CNTLN: variants seen among roughly 807,000 people sequenced by gnomAD.
CNTLN encodes the protein centlein.
A neutral mutation model predicts 180.0 loss-of-function variants in CNTLN; 212 were observed. The ratio of observed to expected loss-of-function variants is 1.18; its 90% CI spans 1.05 to 1.32. CNTLN has a LOEUF of 1.32. CNTLN is among the 40% of genes most tolerant of loss of function. The pLI, the probability that CNTLN is intolerant of heterozygous loss-of-function variation, is 0.00. For synonymous variants in CNTLN, 722 were observed against 563.1 expected, an observed-to-expected ratio of 1.28 and a Z score of -3.99; for missense variants, 2,095 against 1,610.9, an observed-to-expected ratio of 1.30 and a Z score of -5.14.
intron 8 of CNTLN, among the ~76,000 whole-genome samples, chr9:17,314,557 C>T (rs1819418644): frequency 6.6e-6 from 1 of 152,148 alleles, no homozygotes; most frequent in Non-Finnish European, 1.5e-5. Flanking sequence ...AGTTTTGACT[C>T]TCTCTTTTCT....
At chr9:17,398,565 T>C (rs1051622132) in intron 15 of CNTLN, among the ~76,000 whole-genome samples, 1 of 152,200 alleles carries the variant, frequency 6.6e-6, no homozygotes, top group Admixed American at 6.5e-5. Context: ...ATCAGCAAGC[T>C]CGTTCTGTGC....
At chr9:17,389,407 A>G (rs990175686) in intron 14 of CNTLN, among the ~76,000 whole-genome samples, 2 of 152,130 alleles carry the variant, frequency 1.3e-5, no homozygotes, top group East Asian at 3.8e-4. Flanking sequence ...ATCTATGGAT[A>G]TGTAATACTA....
intron 12 of CNTLN, among the ~76,000 whole-genome samples, chr9:17,361,211 G>A (rs537684120): frequency 4.5e-4 from 68 of 151,458 alleles, no homozygotes; most frequent in African/African-American, 1.3e-3. Context: ...TCCCTCCCCC[G>A]TCTCCCCACC....
chr9:17,274,465 C>CTGTA (rs764538609), intron 6 of CNTLN, among the ~76,000 whole-genome samples: 1 of 141,242 alleles, frequency 7.1e-6, no homozygotes, highest in Non-Finnish European at 1.5e-5. Flanking sequence ...ATCTATCTAT[C>CTGTA]TATCTATCTA....
At chr9:17,355,737 AATAAG>A (rs1190705156) in intron 12 of CNTLN, among the ~76,000 whole-genome samples, 3 of 152,224 alleles carry the variant, frequency 2.0e-5, no homozygotes, top group East Asian at 1.9e-4. Context: ...GAGATTGATT[AATAAG>A]ATAAGAACTT....
At chr9:17,170,545 A>G (rs545333139) in intron 2 of CNTLN, among the ~76,000 whole-genome samples, 2 of 152,142 alleles carry the variant, frequency 1.3e-5, no homozygotes, top group South Asian at 2.1e-4. Context: ...ATTTCAAATT[A>G]TCTGTTTTTC....
rs181178416 is a variant in CNTLN, at chr9:17,383,706, C to T, written c.1988-4456C>T. The stretch of plus-strand genomic sequence containing the variant: ...AGGCTGGAGTGCAGTGGCGTGATCT[C>T]GGCCCACTGCAAGCTCTGCCTCCTG... On this transcript the variant is annotated intron_variant, in intron 13 of 25. Transcript: ENST00000380647. Among the ~76,000 whole-genome samples, 662 of 151,484 alleles carry T rather than the reference C, an allele frequency of 4.4e-3. 3 individuals carry two copies. Among genetic ancestry groups the T allele is most frequent in the African/African-American group, 0.014 (593 of 41,266 alleles).
chr9:17,491,123 T>C (rs1249287144), intron 25 of CNTLN, among the ~76,000 whole-genome samples: 1 of 152,124 alleles, frequency 6.6e-6, no homozygotes, highest in Non-Finnish European at 1.5e-5. Context: ...AAAGGTCATT[T>C]TTAGGCCTTT....
chr9:17,353,682 C>G (rs1822560701), intron 12 of CNTLN, among the ~76,000 whole-genome samples: 1 of 151,344 alleles, frequency 6.6e-6, no homozygotes, highest in African/African-American at 2.4e-5. Flanking sequence ...TCACTGCAAC[C>G]TCTGCCTCTT....
At position 17,203,625 on chromosome 9, in the gene CNTLN, C is replaced by T. The variant is rs186536255; in HGVS notation, c.450-22578C>T. The stretch of plus-strand genomic sequence containing the variant: ...AGGCTGGAGTGCAGTGGCGCGATCT[C>T]GGCTCACTGCAAGCTCCACCTCCCG... On this transcript the variant is annotated intron_variant, in intron 2 of 25. Transcript: ENST00000380647. 1.8e-4 allele frequency among the ~76,000 whole-genome samples: 27 copies of T among 152,228 alleles called. No individual in the cohort carries two copies. The East Asian group carries it at 4.1e-3, about 23-fold the overall frequency.
rs763656237 is a variant in CNTLN, at chr9:17,394,614, A to G, written c.2160A>G (p.Lys720=). The part of the protein sequence containing the change: ...KLKEGNKKLM[K]ENDFLKSLLK... ...AAGAAGGGAATAAAAAATTAATGAA[A>G]GAAAATGATTTTCTGAAATCCCTCT... The change falls in exon 15 of 26, where the codon AAA becomes AAG. Residue 720 remains lysine (K), a synonymous_variant. Transcript: ENST00000380647. The G allele has an allele frequency of 6.2e-7, 1 of 1,601,010 alleles. No homozygotes were observed. Among genetic ancestry groups the G allele is most frequent in the South Asian group, 1.1e-5 (1 of 86,996 alleles).
At chr9:17,434,808 A>G (rs1200987166) in intron 18 of CNTLN, among the ~76,000 whole-genome samples, 7 of 152,058 alleles carry the variant, frequency 4.6e-5, no homozygotes, top group Non-Finnish European at 8.8e-5. Context: ...TGAAGGATAT[A>G]GAATTTGCAG....
intron 13 of CNTLN, among the ~76,000 whole-genome samples, chr9:17,379,085 C>G (rs1195067664): frequency 6.6e-6 from 1 of 151,740 alleles, no homozygotes; most frequent in Non-Finnish European, 1.5e-5. Context: ...AATTACTCCA[C>G]TGTCTTCTGG....
intron 23 of CNTLN, among the ~76,000 whole-genome samples, chr9:17,470,284 A>G (rs1831984810): frequency 6.6e-6 from 1 of 151,942 alleles, no homozygotes; most frequent in Admixed American, 6.6e-5. Flanking sequence ...AGTGAGAACT[A>G]TGTGCATTCC....
intron 8 of CNTLN, among the ~76,000 whole-genome samples, chr9:17,323,697 A>T (rs763595715): frequency 2.6e-5 from 4 of 152,226 alleles, no homozygotes; most frequent in Non-Finnish European, 5.9e-5. Flanking sequence ...ATTGTAACAG[A>T]TGTGGCAATA....
intron 2 of CNTLN, among the ~76,000 whole-genome samples, chr9:17,206,584 A>G (rs1216897909): frequency 1.3e-5 from 2 of 152,176 alleles, no homozygotes; most frequent in Non-Finnish European, 2.9e-5. Flanking sequence ...TCTGTAATCT[A>G]TATCAACTTT....
At chr9:17,170,524 C>T (rs1299714326) in intron 2 of CNTLN, among the ~76,000 whole-genome samples, 1 of 152,058 alleles carries the variant, frequency 6.6e-6, no homozygotes, top group Admixed American at 6.6e-5. Flanking sequence ...TTCTGTTCCT[C>T]TAACTGGGTA....
At chr9:17,380,595 TG>T (rs1174638182) in intron 13 of CNTLN, among the ~76,000 whole-genome samples, 1 of 152,176 alleles carries the variant, frequency 6.6e-6, no homozygotes, top group Non-Finnish European at 1.5e-5. Flanking sequence ...GTAAAACCTT[TG>T]TAATTACCTA....
intron 18 of CNTLN, among the ~76,000 whole-genome samples, chr9:17,433,090 C>T (rs904363455): frequency 2.0e-5 from 3 of 149,500 alleles, no homozygotes; most frequent in African/African-American, 7.4e-5. Flanking sequence ...TAACATTATT[C>T]TCCACTAAAT....
Sources: gnomAD v4.1 joint callset for allele counts (sites outside exome capture counted in the v4.1 genomes callset) on GRCh38, gnomAD v4.1.1 for gene constraint, MANE v1.5 for transcripts, NCBI Gene and HGNC (gene_info 2026-07-23, HGNC 2026-07-21) for gene names.